Variants in NR2F1-AS1 observed in about 807,000 individuals in gnomAD.
NR2F1-AS1 encodes NR2F1 antisense RNA 1.
chr5:93,576,619 G>A (rs1443443232), intron 1 of NR2F1-AS1, among the ~76,000 whole-genome samples: 2 of 152,048 alleles, frequency 1.3e-5, no homozygotes, highest in Non-Finnish European at 2.9e-5. Flanking sequence ...CTGGCTTTTT[G>A]AGCCAATACT....
At position 93,486,400 on chromosome 5, in the gene NR2F1-AS1, G is replaced by T. The variant is rs1481689192; in HGVS notation, n.638+67361C>A. Among the ~76,000 whole-genome samples the T allele has an allele frequency of 5.3e-5, 8 of 151,878 alleles. No individual in the cohort carries two copies. The East Asian group carries it at 1.5e-3, about 29-fold the overall frequency. On this transcript the variant is annotated intron_variant and non_coding_transcript_variant, in intron 4 of 5. Coordinates refer to ENST00000660523, the Ensembl canonical transcript of NR2F1-AS1. ...AGATCAAATATACACAATAAAAAAT[G>T]ATAAAGGTGATATCACCACTGATCC...
chr5:93,507,643 A>T (rs1743411683), intron 4 of NR2F1-AS1, among the ~76,000 whole-genome samples: 1 of 152,080 alleles, frequency 6.6e-6, no homozygotes, highest in African/African-American at 2.4e-5. Flanking sequence ...CAGGCATGAA[A>T]CACCATGCCC....
chr5:93,557,222 A>G lies in NR2F1-AS1; in HGVS notation n.414-2227T>C, dbSNP rs558423500. Among the ~76,000 whole-genome samples, 12 of 152,318 alleles carry G rather than the reference A, an allele frequency of 7.9e-5. No individual in the cohort carries two copies. The South Asian group carries it at 2.3e-3, about 29-fold the overall frequency. On this transcript the variant is annotated intron_variant and non_coding_transcript_variant, in intron 2 of 5. Coordinates refer to ENST00000660523, the Ensembl canonical transcript of NR2F1-AS1. ...TGGTAATGCGTAGAGCTGCTTCGTGAATTTTCATGCTGTGAAAATGTGATC... is the reference window on the plus strand; with the variant it reads ...TGGTAATGCGTAGAGCTGCTTCGTGGATTTTCATGCTGTGAAAATGTGATC...
At chr5:93,412,219 C>T (rs1748872183) in intron 4 of NR2F1-AS1, among the ~76,000 whole-genome samples, 1 of 152,184 alleles carries the variant, frequency 6.6e-6, no homozygotes, top group African/African-American at 2.4e-5. Context: ...CAGACCCTGG[C>T]TCCACCACCC....
At chr5:93,422,653 TGGAAA>T (rs1305265454) in intron 4 of NR2F1-AS1, among the ~76,000 whole-genome samples, 1 of 152,158 alleles carries the variant, frequency 6.6e-6, no homozygotes, top group African/African-American at 2.4e-5. Flanking sequence ...TTAAAACAAG[TGGAAA>T]GGAATCTTTT....
chr5:93,513,202 T>C, intron 4 of NR2F1-AS1, among the ~76,000 whole-genome samples: 1 of 152,198 alleles, frequency 6.6e-6, no homozygotes, highest in East Asian at 1.9e-4. Flanking sequence ...GGAATTTTTA[T>C]ACACTGTTAG....
intron 4 of NR2F1-AS1, among the ~76,000 whole-genome samples, chr5:93,443,829 C>T (rs1749629434): frequency 6.6e-6 from 1 of 152,140 alleles, no homozygotes; most frequent in South Asian, 2.1e-4. Context: ...AAAGGCAAGC[C>T]CATCAGACTA....
intron 4 of NR2F1-AS1, among the ~76,000 whole-genome samples, chr5:93,425,144 G>C (rs919418998): frequency 6.6e-6 from 1 of 152,128 alleles, no homozygotes; most frequent in Non-Finnish European, 1.5e-5. Flanking sequence ...AGTTCCGTCC[G>C]AGCTGACACC....
intron 2 of NR2F1-AS1, among the ~76,000 whole-genome samples, chr5:93,562,479 A>G (rs1317812706): frequency 6.6e-6 from 1 of 152,038 alleles, no homozygotes; most frequent in Non-Finnish European, 1.5e-5. Context: ...CTTTTTGTAG[A>G]GATAGGGTTT....
At chr5:93,472,959 G>T (rs149631449) in intron 4 of NR2F1-AS1, among the ~76,000 whole-genome samples, 1 of 151,858 alleles carries the variant, frequency 6.6e-6, no homozygotes, top group African/African-American at 2.4e-5. Flanking sequence ...ATTTAAACAT[G>T]ACCTGAACAA....
intron 4 of NR2F1-AS1, among the ~76,000 whole-genome samples, chr5:93,443,400 A>C (rs1358691743): frequency 6.6e-6 from 1 of 152,196 alleles, no homozygotes; most frequent in Admixed American, 6.5e-5. Flanking sequence ...TACGGGACGC[A>C]TGTACAAGCT....
chr5:93,468,228 A>G (rs1157252744), intron 4 of NR2F1-AS1, among the ~76,000 whole-genome samples: 2 of 152,204 alleles, frequency 1.3e-5, no homozygotes, highest in African/African-American at 4.8e-5. Flanking sequence ...AGGAATTGCC[A>G]CACTGTCTTC....
At chr5:93,515,269 C>T (rs1319794629) in intron 4 of NR2F1-AS1, among the ~76,000 whole-genome samples, 1 of 151,752 alleles carries the variant, frequency 6.6e-6, no homozygotes, top group East Asian at 1.9e-4. Context: ...CTTAAGTTTA[C>T]CTAGCTAATT....
chr5:93,543,451 A>C (rs1024603354), intron 4 of NR2F1-AS1: 1 of 152,212 alleles, frequency 6.6e-6, no homozygotes, highest in Non-Finnish European at 1.5e-5. Flanking sequence ...AAATGAAAAC[A>C]CAATGACTGA....
chr5:93,517,430 C>T (rs1561479032), intron 4 of NR2F1-AS1, among the ~76,000 whole-genome samples: 1 of 151,802 alleles, frequency 6.6e-6, no homozygotes, highest in African/African-American at 2.4e-5. Flanking sequence ...CTAATCAAAA[C>T]TTTTTTTTAA....
chr5:93,478,952 T>G (rs930274933), intron 4 of NR2F1-AS1, among the ~76,000 whole-genome samples: 1 of 152,152 alleles, frequency 6.6e-6, no homozygotes, highest in South Asian at 2.1e-4. Flanking sequence ...TGGAAGACAG[T>G]AGAGTAGGAT....
chr5:93,504,054 G>GA (rs896420333), intron 4 of NR2F1-AS1, among the ~76,000 whole-genome samples: 1 of 151,600 alleles, frequency 6.6e-6, no homozygotes, highest in East Asian at 1.9e-4. Flanking sequence ...CAAAAAGGAG[G>GA]AAAAAAAATC....
chr5:93,481,603 T>C (rs1005762370), intron 4 of NR2F1-AS1, among the ~76,000 whole-genome samples: 1 of 152,120 alleles, frequency 6.6e-6, no homozygotes, highest in Non-Finnish European at 1.5e-5. Context: ...TGGAAGAATA[T>C]GTATTCTTCT....
intron 4 of NR2F1-AS1, among the ~76,000 whole-genome samples, chr5:93,452,312 A>T (rs1749848388): frequency 6.6e-6 from 1 of 152,226 alleles, no homozygotes; most frequent in South Asian, 2.1e-4. Context: ...TGAATAAAAT[A>T]TATGAAACAA....
Sources: gnomAD v4.1 joint callset for allele counts (sites outside exome capture counted in the v4.1 genomes callset) on GRCh38, gnomAD v4.1.1 for gene constraint, MANE v1.5 for transcripts, NCBI Gene and HGNC (gene_info 2026-07-23, HGNC 2026-07-21) for gene names.